FBXL13: variants seen among roughly 807,000 people sequenced by gnomAD.
FBXL13 encodes the protein F-box and leucine rich repeat protein 13, also known as F-box and leucine-rich repeat protein 13.
Under a neutral mutation model 83.6 loss-of-function variants are expected in FBXL13, and 67 were observed. The observed-to-expected ratio is 0.80, with a 90% confidence interval of 0.66 to 0.98. FBXL13 has a LOEUF of 0.98. FBXL13 is among the 50% of genes least tolerant of loss of function. The pLI, the probability that FBXL13 is intolerant of heterozygous loss-of-function variation, is 0.00. For missense variants in FBXL13, 822 were observed against 866.5 expected (o/e 0.95, Z 0.64); for synonymous variants, 272 against 299.5 (o/e 0.91, Z 0.95).
At position 102,883,576 on chromosome 7, in the gene FBXL13, C is replaced by T. The variant is rs137980271; in HGVS notation, c.1217G>A (p.Arg406Gln). 1.2e-5 allele frequency: 19 copies of T among 1,606,366 alleles called. No homozygotes were observed. The East Asian group carries it at 1.3e-4, about 11-fold the overall frequency. ...TTTTTAATATAACAGACCTTCAAAT[C>T]GGATCTTTCTGAGTTTACAAGCAGA... Residue 406 changes from arginine (R) to glutamine (Q), a missense_variant, in exon 13 of 20, where the codon CGA (arginine) becomes CAA (glutamine). Coordinates refer to ENST00000313221, the Ensembl canonical transcript of FBXL13.
intron 1 of FBXL13, among the ~76,000 whole-genome samples, chr7:103,066,301 T>A (rs1207019524): frequency 6.6e-6 from 1 of 152,182 alleles, no homozygotes; most frequent in East Asian, 1.9e-4. Context: ...ACCTTAAACA[T>A]CTTTCAATAA....
At chr7:102,874,563 T>C (rs998730259) in intron 16 of FBXL13, among the ~76,000 whole-genome samples, 1 of 152,184 alleles carries the variant, frequency 6.6e-6, no homozygotes, top group Non-Finnish European at 1.5e-5. Context: ...TTTTTTGTTT[T>C]TTGTTTTCTT....
chr7:103,038,767 T>C (rs574338236), intron 2 of FBXL13, among the ~76,000 whole-genome samples: 2 of 152,210 alleles, frequency 1.3e-5, no homozygotes, highest in African/African-American at 4.8e-5. Flanking sequence ...GAAAGGAATA[T>C]CATGAACATC....
chr7:102,844,152 C>T (rs1326371886), intron 17 of FBXL13, among the ~76,000 whole-genome samples: 2 of 152,136 alleles, frequency 1.3e-5, no homozygotes, highest in Non-Finnish European at 2.9e-5. Context: ...GGTTTCAGGG[C>T]TTTAAAAAGC....
chr7:102,848,273 G>GTGTGTACGGATATTATATAAATGT (rs1299866637), intron 17 of FBXL13, among the ~76,000 whole-genome samples: 1 of 116,168 alleles, frequency 8.6e-6, no homozygotes. Context: ...ATACACATTC[G>GTGTGTACGGATATTATATAAATGT]AGGCCGGGCG....
intron 15 of FBXL13, among the ~76,000 whole-genome samples, chr7:102,878,052 C>A (rs1809505297): frequency 6.6e-6 from 1 of 152,068 alleles, no homozygotes. Context: ...TAGAGAAAAT[C>A]TCCTTGAAAA....
At chr7:103,005,485 A>C (rs1790889418) in intron 6 of FBXL13, among the ~76,000 whole-genome samples, 2 of 152,214 alleles carry the variant, frequency 1.3e-5, no homozygotes, top group South Asian at 4.1e-4. Context: ...ATAAAAAAAA[A>C]ATACCATAGA....
chr7:102,892,156 C>G (rs146557198), intron 11 of FBXL13, among the ~76,000 whole-genome samples: 1 of 151,994 alleles, frequency 6.6e-6, no homozygotes, highest in South Asian at 2.1e-4. Context: ...TTTTCAAACC[C>G]TTTTTTCAGG....
At chr7:103,060,363 T>C (rs780607846) in intron 1 of FBXL13, among the ~76,000 whole-genome samples, 8 of 152,052 alleles carry the variant, frequency 5.3e-5, no homozygotes, top group Non-Finnish European at 1.2e-4. Flanking sequence ...TCCATCACTA[T>C]TTTTAACCAT....
intron 6 of FBXL13, among the ~76,000 whole-genome samples, chr7:102,992,360 A>C (rs1451737324): frequency 6.6e-6 from 1 of 152,170 alleles, no homozygotes; most frequent in Non-Finnish European, 1.5e-5. Context: ...CAAATGAGAC[A>C]ATTTAGAAAC....
chr7:102,960,702 T>A (rs1825055012), intron 8 of FBXL13, among the ~76,000 whole-genome samples: 1 of 151,810 alleles, frequency 6.6e-6, no homozygotes, highest in African/African-American at 2.4e-5. Flanking sequence ...ATAAATGTAA[T>A]CCAGCATATA....
In FBXL13 at chr7:102,963,513, G is replaced by A; in HGVS notation, c.724+20C>T. On this transcript the variant is annotated intron_variant, in intron 8 of 19. Transcript: ENST00000313221. The stretch of plus-strand genomic sequence containing the variant: ...GTAATACAGGAAAGCAAGACAAATA[G>A]TTGTAATGAACATACTTACTGACAG... 1 of 1,604,202 alleles carries A rather than the reference G, an allele frequency of 6.2e-7. No individual in the cohort carries two copies. The highest frequency in any genetic ancestry group is 1.1e-5 in the South Asian group (1 of 87,808).
intron 6 of FBXL13, among the ~76,000 whole-genome samples, chr7:103,004,518 CTT>C (rs1171699453): frequency 6.6e-6 from 1 of 152,166 alleles, no homozygotes; most frequent in Non-Finnish European, 1.5e-5. Flanking sequence ...TGGGGTTGCT[CTT>C]TGTCTCTAAC....
At chr7:103,056,093 C>T (rs1010067178) in intron 1 of FBXL13, among the ~76,000 whole-genome samples, 29 of 152,058 alleles carry the variant, frequency 1.9e-4, no homozygotes, top group African/African-American at 6.0e-4. Flanking sequence ...TGAGTGAGAA[C>T]GTATAATGTT....
intron 16 of FBXL13, among the ~76,000 whole-genome samples, chr7:102,865,502 T>C (rs1471068418): frequency 6.6e-6 from 1 of 152,096 alleles, no homozygotes; most frequent in Non-Finnish European, 1.5e-5. Context: ...TTCTTCTCAA[T>C]ATTTTATTTA....
chr7:102,861,247 G>C lies in FBXL13; in HGVS notation c.1636-6387C>G, dbSNP rs529292509. ...AACATTCAAATTTTTTTGTATCCAA[G>C]ACCCAATTTGTGCATTGGATTTGGT... On this transcript the variant is annotated intron_variant, in intron 16 of 19. Coordinates refer to ENST00000313221, the Ensembl canonical transcript of FBXL13. Among the ~76,000 whole-genome samples the C allele has an allele frequency of 1.6e-3, 248 of 152,024 alleles. 1 individual carries two copies. Among genetic ancestry groups the C allele is most frequent in the African/African-American group, 5.5e-3 (228 of 41,458 alleles).
intron 11 of FBXL13, among the ~76,000 whole-genome samples, chr7:102,889,462 G>C (rs1746328218): frequency 6.6e-6 from 1 of 152,130 alleles, no homozygotes; most frequent in Non-Finnish European, 1.5e-5. Flanking sequence ...TGCACAACGT[G>C]CAGGTTTGTT....
At chr7:102,880,407 T>C (rs1809870658) in intron 14 of FBXL13, among the ~76,000 whole-genome samples, 1 of 152,260 alleles carries the variant, frequency 6.6e-6, no homozygotes, top group South Asian at 2.1e-4. Flanking sequence ...TATACTTCTC[T>C]CCTCTGTGAG....
At position 102,911,857 on chromosome 7, in the gene FBXL13, G is replaced by A. The variant is rs138202428; in HGVS notation, c.1008+1229C>T. ...ATGTTTAAAAAGCTACACATCAGCA[G>A]ATCAGTTTTAAACAAATATGAATGT... On this transcript the variant is annotated intron_variant, in intron 11 of 19. Transcript: ENST00000313221. Among the ~76,000 whole-genome samples the A allele has an allele frequency of 1.4e-3, 216 of 152,296 alleles. 1 individual carries two copies. Among genetic ancestry groups the A allele is most frequent in the African/African-American group, 4.9e-3 (205 of 41,558 alleles).
Sources: allele counts gnomAD v4.1 joint callset (sites outside exome capture counted in the v4.1 genomes callset), GRCh38; gene constraint gnomAD v4.1.1; transcripts MANE v1.5; gene names NCBI Gene and HGNC (gene_info 2026-07-23, HGNC 2026-07-21).